Variants in RYR3 observed in about 807,000 individuals in gnomAD.
RYR3 encodes ryanodine receptor 3.
RYR3 carries 207 observed loss-of-function variants against 584.3 expected under a neutral mutation model. The ratio of observed to expected loss-of-function variants is 0.35; its 90% CI spans 0.32 to 0.40. The LOEUF is 0.40. RYR3 is among the 10% of genes least tolerant of loss of function. The probability of loss-of-function intolerance (pLI) is 1.00; values close to 1 mark genes in which losing one functional copy is unlikely to be tolerated. For synonymous variants in RYR3, 2,416 were observed against 2,248.5 expected, an observed-to-expected ratio of 1.07 and a Z score of -2.11; for missense variants, 5,616 against 6,089.2, an observed-to-expected ratio of 0.92 and a Z score of 2.59.
rs2041922765 is a variant in RYR3 at position 33,390,484 on chromosome 15, T to C, written c.51+79388T>C. Among the ~76,000 whole-genome samples, 1 of 152,222 alleles carries C rather than the reference T, an allele frequency of 6.6e-6. No homozygotes were observed. The highest frequency in any genetic ancestry group is 1.5e-5 in the Non-Finnish European group (1 of 68,042). The stretch of plus-strand genomic sequence containing the variant: ...TGCTTCTCTTTATCTGTTGATCTTA[T>C]GATGCTGAAAATAGGGGAAAGTTCG... On this transcript the variant is annotated intron_variant, in intron 1 of 103. Coordinates refer to ENST00000634891, the MANE Select transcript of RYR3 (RefSeq NM_001036.6). The surrounding 1 kb of genome is among the most constrained non-coding windows in gnomAD (Gnocchi z 4.2).
At position 33,660,341 on chromosome 15, in the gene RYR3, C is replaced by T. The variant is rs375458327; in HGVS notation, c.4540C>T (p.Arg1514Cys). 3.8e-5 allele frequency: 61 copies of T among 1,592,312 alleles called. 1 individual carries two copies. The highest frequency in any genetic ancestry group is 3.3e-4 in the Middle Eastern group (2 of 6,064). The change falls in exon 34 of 104, where the codon CGT becomes TGT. Residue 1514 changes from arginine (R) to cysteine (C), a missense_variant. Transcript: ENST00000634891. ...PNSFLKVETERVSERHGWVVQ... is the reference protein window; with the variant it reads ...PNSFLKVETECVSERHGWVVQ... ...CAGCTTCCTGAAGGTGGAGACCGAGCGTGTGAGCGAGCGCCACGGCTGGGT... is the reference window on the plus strand; with the variant it reads ...CAGCTTCCTGAAGGTGGAGACCGAGTGTGTGAGCGAGCGCCACGGCTGGGT...
intron 16 of RYR3, among the ~76,000 whole-genome samples, chr15:33,591,484 A>T (rs924082678): frequency 5.9e-5 from 9 of 152,222 alleles, no homozygotes; most frequent in African/African-American, 2.2e-4. Context: ...CAAATGAGTG[A>T]GCCAGAATCT....
At chr15:33,541,512 C>G (rs1285367872) in intron 7 of RYR3, among the ~76,000 whole-genome samples, 1 of 152,166 alleles carries the variant, frequency 6.6e-6, no homozygotes, top group African/African-American at 2.4e-5. Flanking sequence ...CCTTACCTCA[C>G]TCATAGGTAA....
intron 19 of RYR3, among the ~76,000 whole-genome samples, chr15:33,620,380 C>T (rs1217697849): frequency 6.6e-6 from 1 of 152,118 alleles, no homozygotes; most frequent in African/African-American, 2.4e-5. Context: ...GAATTCTTTC[C>T]TTTATCCGTC....
chr15:33,438,620 C>T (rs1019574063), intron 1 of RYR3, among the ~76,000 whole-genome samples: 2 of 152,192 alleles, frequency 1.3e-5, no homozygotes, highest in Admixed American at 1.3e-4. Context: ...TGCATCAACA[C>T]ACAGGGTAGT....
At chr15:33,668,153 A>C (rs115463033) in intron 36 of RYR3, among the ~76,000 whole-genome samples, 17,270 of 146,876 alleles carry the variant, frequency 0.12, 1,168 homozygotes, top group East Asian at 0.24. Context: ...TGAAAATACA[A>C]AAAAAAAAAA....
chr15:33,545,944 C>T (rs2056204389), intron 8 of RYR3, among the ~76,000 whole-genome samples: 1 of 152,160 alleles, frequency 6.6e-6, no homozygotes, highest in Non-Finnish European at 1.5e-5. Context: ...ACATTTTGAG[C>T]TCTGATCCTT....
rs113851795 is a variant in RYR3, at chr15:33,665,140, G to A, written c.5619+1403G>A. Among the ~76,000 whole-genome samples, 304 of 152,236 alleles carry A rather than the reference G, an allele frequency of 2.0e-3. 2 individuals are homozygous for A. Among genetic ancestry groups the A allele is most frequent in the African/African-American group, 5.3e-3 (219 of 41,522 alleles). On this transcript the variant is annotated intron_variant, in intron 36 of 103. Transcript: ENST00000634891. ...CTGCATATTCCCTATTTCACTGGGC[G>A]TATTCTGGCTCTTTCATATGTATTT...
chr15:33,741,577 CTACTG>C (rs1372918229), intron 51 of RYR3, among the ~76,000 whole-genome samples: 1 of 151,826 alleles, frequency 6.6e-6, no homozygotes, highest in African/African-American at 2.4e-5. Flanking sequence ...TAGCAGGTGT[CTACTG>C]TACTGCCAAA....
intron 11 of RYR3, among the ~76,000 whole-genome samples, chr15:33,563,340 T>C (rs2057517404): frequency 6.6e-6 from 1 of 152,206 alleles, no homozygotes; most frequent in Admixed American, 6.5e-5. Context: ...TTCATTTCAG[T>C]GGATAATTGA....
At chr15:33,404,589 GTTTTTT>G (rs57118667) in intron 1 of RYR3, among the ~76,000 whole-genome samples, 1 of 144,428 alleles carries the variant, frequency 6.9e-6, no homozygotes, top group African/African-American at 2.5e-5. Context: ...ACTACTGTGT[GTTTTTT>G]TTTTTTTTAC....
At chr15:33,707,633 G>A (rs182098416) in intron 43 of RYR3, among the ~76,000 whole-genome samples, 33 of 152,180 alleles carry the variant, frequency 2.2e-4, no homozygotes, top group African/African-American at 7.5e-4. Context: ...AAATAAGTGG[G>A]GTACTTTCTT....
intron 52 of RYR3, among the ~76,000 whole-genome samples, chr15:33,744,039 C>T (rs1447654232): frequency 1.3e-5 from 2 of 152,126 alleles, no homozygotes; most frequent in East Asian, 3.8e-4. Context: ...CTCCAGCCAC[C>T]TCCCCTTATT....
intron 10 of RYR3, among the ~76,000 whole-genome samples, chr15:33,558,303 G>A (rs1028347382): frequency 6.6e-6 from 1 of 150,644 alleles, no homozygotes; most frequent in Non-Finnish European, 1.5e-5. Flanking sequence ...GTGTCCAGGT[G>A]TTCTCATTGT....
At chr15:33,614,802 TG>T (rs1196941745) in intron 19 of RYR3, among the ~76,000 whole-genome samples, 1 of 152,184 alleles carries the variant, frequency 6.6e-6, no homozygotes, top group East Asian at 1.9e-4. Context: ...TTTTTCCTAT[TG>T]TTTTTTGTTT....
At chr15:33,683,979 A>G (rs1290105033) in intron 38 of RYR3, among the ~76,000 whole-genome samples, 1 of 152,268 alleles carries the variant, frequency 6.6e-6, no homozygotes, top group African/African-American at 2.4e-5. Context: ...CGAAGCAGCC[A>G]GGAAGCTCGA....
intron 3 of RYR3, among the ~76,000 whole-genome samples, chr15:33,510,876 A>ATAAT: frequency 6.6e-6 from 1 of 152,218 alleles, no homozygotes; most frequent in South Asian, 2.1e-4. Flanking sequence ...TTATGCTGAT[A>ATAAT]TAATGGATTT....
chr15:33,497,258 C>T (rs1009632824), intron 2 of RYR3, among the ~76,000 whole-genome samples: 2 of 152,112 alleles, frequency 1.3e-5, no homozygotes, highest in African/African-American at 4.8e-5. Context: ...AATGAGAGGT[C>T]CCAGTGGGCT....
At position 33,859,560 on chromosome 15, in the gene RYR3, A is replaced by T. The variant is rs780122828; in HGVS notation, c.14143-15A>T. On this transcript the variant is annotated splice_polypyrimidine_tract_variant and intron_variant, in intron 99 of 103. Transcript: ENST00000634891. ...TGTGACTTTTGCCTAAATCCCCCTT[A>T]TTTTTCTTCTCTAGTGTTACCTTTT... 6.2e-7 allele frequency: 1 copy of T among 1,613,120 alleles called. No individual in the cohort carries two copies. Among genetic ancestry groups the T allele is most frequent in the South Asian group, 1.1e-5 (1 of 90,914 alleles).
Sources: allele counts gnomAD v4.1 joint callset (sites outside exome capture counted in the v4.1 genomes callset), GRCh38; gene constraint gnomAD v4.1.1; non-coding constraint Gnocchi (gnomAD v3.1); transcripts MANE v1.5; gene names NCBI Gene and HGNC (gene_info 2026-07-23, HGNC 2026-07-21).